The following RAB5C variants were observed in gnomAD, a reference collection of about 807,000 sequenced individuals.
RAB5C encodes the protein ras-related protein Rab-5C.
Under a neutral mutation model 25.2 loss-of-function variants are expected in RAB5C, and 4 were observed. That is an observed-to-expected ratio of 0.16 (90% CI 0.08 to 0.36). RAB5C has a LOEUF of 0.36. RAB5C is among the 10% of genes least tolerant of loss of function. RAB5C has a pLI of 1.00. For synonymous variants in RAB5C, 100 were observed against 106.4 expected, an observed-to-expected ratio of 0.94 and a Z score of 0.37; for missense variants, 199 against 283.8, an observed-to-expected ratio of 0.70 and a Z score of 2.15.
intron 1 of RAB5C, among the ~76,000 whole-genome samples, chr17:42,132,307 C>A (rs975054211): frequency 6.6e-6 from 1 of 152,216 alleles, no homozygotes; most frequent in Non-Finnish European, 1.5e-5. Context: ...GGGCCCACCT[C>A]TTCCCCAAAA....
At chr17:42,136,872 G>A (rs11079034) in intron 1 of RAB5C, among the ~76,000 whole-genome samples, 54,030 of 152,068 alleles carry the variant, frequency 0.36, 12,941 homozygotes, top group African/African-American at 0.69. Context: ...ATTAGAGATA[G>A]AAAGAAAAAC....
rs1555668624 is a variant in RAB5C, at chr17:42,125,778, G to A, written c.*5C>T. 1.9e-6 allele frequency: 3 copies of A among 1,593,640 alleles called. No homozygotes were observed. Among genetic ancestry groups the A allele is most frequent in the Admixed American group, 3.5e-5 (2 of 57,410 alleles). ...AGGCGGGGGCAGCGGGCAGGCAAGG[G>A]GGGCTCAGTTGCTGCAGCACTGGCT... On this transcript the variant is annotated 3_prime_UTR_variant, in exon 6 of 6. Transcript: ENST00000346213.
chr17:42,151,732 T>C (rs1448043677), intron 1 of RAB5C, among the ~76,000 whole-genome samples: 2 of 152,128 alleles, frequency 1.3e-5, no homozygotes, highest in East Asian at 1.9e-4. Context: ...ATTAATGACA[T>C]GTAGATGTCA....
intron 4 of RAB5C, among the ~76,000 whole-genome samples, chr17:42,127,430 G>T (rs2054437430): frequency 1.3e-5 from 2 of 152,174 alleles, no homozygotes; most frequent in African/African-American, 4.8e-5. Flanking sequence ...TACAAGAAAA[G>T]AGAAGTAGAA....
chr17:42,128,606 G>T (rs771376685), intron 3 of RAB5C, 43 bp downstream of exon 3: 5 of 1,437,868 alleles, frequency 3.5e-6, no homozygotes, highest in South Asian at 1.6e-5. Flanking sequence ...CTGGGACTTT[G>T]AGAAGATGAA....
At chr17:42,150,544 CAAAAAAAAAAAAAAAAAAA>C (rs759878778) in intron 1 of RAB5C, among the ~76,000 whole-genome samples, 2 of 19,382 alleles carry the variant, frequency 1.0e-4, no homozygotes, top group Non-Finnish European at 1.8e-4. Flanking sequence ...AACTCCATCT[CAAAAAAAAAAAAAAAAAAA>C]AAAAAAAAAA....
At chr17:42,149,649 A>G (rs892045032) in intron 1 of RAB5C, among the ~76,000 whole-genome samples, 1 of 152,170 alleles carries the variant, frequency 6.6e-6, no homozygotes, top group East Asian at 1.9e-4. Context: ...TTTGCATTCT[A>G]ATCTATAATA....
At chr17:42,139,681 C>T (rs532243000) in intron 1 of RAB5C, among the ~76,000 whole-genome samples, 1 of 152,272 alleles carries the variant, frequency 6.6e-6, no homozygotes, top group Non-Finnish European at 1.5e-5. Context: ...AGGATGGTCT[C>T]GATTTCCTGA....
chr17:42,138,662 TTC>T (rs1311863354), intron 1 of RAB5C, among the ~76,000 whole-genome samples: 9 of 152,208 alleles, frequency 5.9e-5, no homozygotes, highest in Non-Finnish European at 1.3e-4. Context: ...GTGCCTAGAC[TTC>T]CACACCACAA....
chr17:42,125,891 C>G lies in RAB5C; in HGVS notation c.543G>C (p.Lys181Asn), dbSNP rs1242948854. The change falls in exon 6 of 6, where the codon AAG becomes AAC. Residue 181 changes from lysine (K) to asparagine (N), a missense_variant. Coordinates refer to ENST00000346213, the MANE Select transcript of RAB5C (RefSeq NM_004583.4). The stretch of plus-strand genomic sequence containing the variant: ...CATTCTGGGGCTCGTTCTTGGGAAG[C>G]TTCTTAGCTGTTTGGGAGGGGGAAA... ...VNEIFMAIAK[K>N]LPKNEPQNAT... 6.2e-7 allele frequency: 1 copy of G among 1,608,414 alleles called. No homozygotes were observed. The highest frequency in any genetic ancestry group is 8.5e-7 in the Non-Finnish European group (1 of 1,177,528).
At chr17:42,126,329 G>A (rs73311649) in intron 5 of RAB5C, among the ~76,000 whole-genome samples, 2,124 of 152,160 alleles carry the variant, frequency 0.014, 25 homozygotes, top group African/African-American at 0.042. Context: ...AATTTTATCA[G>A]AAGGTTAAAA....
intron 1 of RAB5C, among the ~76,000 whole-genome samples, chr17:42,150,600 G>A (rs1362440321): frequency 7.3e-6 from 1 of 136,692 alleles, no homozygotes; most frequent in Non-Finnish European, 1.5e-5. Flanking sequence ...GCTCATGCTT[G>A]TAATCCCAGC....
chr17:42,151,230 A>G (rs2079668866), intron 1 of RAB5C, among the ~76,000 whole-genome samples: 2 of 152,134 alleles, frequency 1.3e-5, no homozygotes, highest in African/African-American at 4.8e-5. Context: ...AGGTCAGGAG[A>G]TCGAGACCAT....
rs1234954513 is a variant in RAB5C, at chr17:42,140,503, ATATATATATATATTTTTTTTTTTTT to A, written c.-88-9938_-88-9914del. On this transcript the variant is annotated intron_variant, in intron 1 of 5. Transcript: ENST00000346213. ...TTTTAGAATATATATATATATATATATATATATATATATTTTTTTTTTTTTTTTTTTTTTTTTTGAGATGGAGTCT... is the reference window on the plus strand; with the variant it reads ...TTTTAGAATATATATATATATATATATTTTTTTTTTTTTGAGATGGAGTCT... Among the ~76,000 whole-genome samples the A allele has an allele frequency of 1.9e-3, 98 of 50,618 alleles. 2 individuals are homozygous for A. The highest frequency in any genetic ancestry group is 8.9e-3 in the African/African-American group (95 of 10,622). 33.2% of individuals were successfully genotyped at this position (50,618 alleles called of 152,430 possible).
Position 42,126,746 on chromosome 17 carries a change from G to A in RAB5C, c.535+9C>T. The A allele has an allele frequency of 6.3e-7, 1 of 1,591,600 alleles. No individual in the cohort carries two copies. Among genetic ancestry groups the A allele is most frequent in the Non-Finnish European group, 8.6e-7 (1 of 1,162,790 alleles). ...TGGTGGAGAGAGGAGGGGAGGAGAA[G>A]CAACTGACCTATTGCCATGAAGATT... On this transcript the variant is annotated intron_variant, in intron 5 of 5. Transcript: ENST00000346213.
chr17:42,125,688 TG>T lies in RAB5C; in HGVS notation c.*94del. On this transcript the variant is annotated 3_prime_UTR_variant, in exon 6 of 6. Coordinates refer to ENST00000346213, the MANE Select transcript of RAB5C (RefSeq NM_004583.4). ...TGGACCCCTCCCCCTGCCCCCCCAG[TG>T]GTGGCCCGAGTCGTTAAGTGCGATT... 1 of 820,724 alleles carries T rather than the reference TG, an allele frequency of 1.2e-6. No individual in the cohort carries two copies. The highest frequency in any genetic ancestry group is 2.0e-6 in the Non-Finnish European group (1 of 512,720). The allele number at this position is 820,724 out of a possible 1,614,324, so 50.8% of individuals were successfully genotyped here. A position where few individuals can be genotyped will look rare whatever the true frequency, so the allele number is the denominator to read the frequency against.
chr17:42,132,199 C>T (rs913204999), intron 1 of RAB5C, among the ~76,000 whole-genome samples: 6 of 152,184 alleles, frequency 3.9e-5, no homozygotes, highest in African/African-American at 1.2e-4. Flanking sequence ...GTTCTCCCAG[C>T]AACTCATTTA....
At chr17:42,148,158 C>T (rs1283877506) in intron 1 of RAB5C, among the ~76,000 whole-genome samples, 1 of 151,562 alleles carries the variant, frequency 6.6e-6, no homozygotes. Context: ...TGCCTGTAGT[C>T]CCAGCACTGG....
At chr17:42,131,514 C>T (rs775163572) in intron 1 of RAB5C, 957 of 1,286,858 alleles carry the variant, frequency 7.4e-4, no homozygotes, top group Non-Finnish European at 9.3e-4. Context: ...AAACAAAACA[C>T]ACACCGAAAC....
Sources: gnomAD v4.1 joint callset for allele counts (sites outside exome capture counted in the v4.1 genomes callset) on GRCh38, gnomAD v4.1.1 for gene constraint, MANE v1.5 for transcripts, NCBI Gene and HGNC (gene_info 2026-07-23, HGNC 2026-07-21) for gene names.